TXLNB: variants seen among roughly 807,000 people sequenced by gnomAD.
TXLNB encodes beta-taxilin.
A neutral mutation model predicts 57.4 loss-of-function variants in TXLNB; 37 were observed. The ratio of observed to expected loss-of-function variants is 0.64; its 90% CI spans 0.50 to 0.85. The LOEUF is 0.85. TXLNB is among the 40% of genes least tolerant of loss of function. The probability of loss-of-function intolerance (pLI) is 0.00; values close to 1 mark genes in which losing one functional copy is unlikely to be tolerated. For synonymous variants in TXLNB, 302 were observed against 309.6 expected, an observed-to-expected ratio of 0.98 and a Z score of 0.26; for missense variants, 848 against 825.6, an observed-to-expected ratio of 1.03 and a Z score of -0.33.
Position 139,276,935 on chromosome 6 carries a change from G to A in TXLNB, c.425-14C>T. Reference sequence around the variant, plus strand: ...TGGCTTCTTTGCCTTAAAAAAAAAAGACATGAAAAAAATAAGTGTTGAATT... The same window carrying A: ...TGGCTTCTTTGCCTTAAAAAAAAAAAACATGAAAAAAATAAGTGTTGAATT... On this transcript the variant is annotated splice_polypyrimidine_tract_variant and intron_variant, in intron 2 of 9. Transcript: ENST00000358430. 6.6e-7 allele frequency: 1 copy of A among 1,517,084 alleles called. No individual in the cohort carries two copies. Among genetic ancestry groups the A allele is most frequent in the East Asian group, 2.3e-5 (1 of 43,628 alleles). The allele number at this position is 1,517,084 out of a possible 1,614,324, so 94.0% of individuals were successfully genotyped here. A position where few individuals can be genotyped will look rare whatever the true frequency, so the allele number is the denominator to read the frequency against.
At chr6:139,281,158 T>C (rs1777038700) in intron 2 of TXLNB, among the ~76,000 whole-genome samples, 1 of 152,204 alleles carries the variant, frequency 6.6e-6, no homozygotes, top group South Asian at 2.1e-4. Flanking sequence ...CTAAATGGAT[T>C]CTGAGTTCAA....
chr6:139,310,534 C>G, the TXLNB span, among the ~76,000 whole-genome samples: 1 of 152,208 alleles, frequency 6.6e-6, no homozygotes, highest in Non-Finnish European at 1.5e-5. Context: ...TAAGGATAGC[C>G]ACTCTATCTC....
chr6:139,182,130 T>C, the TXLNB span, among the ~76,000 whole-genome samples: 1 of 152,208 alleles, frequency 6.6e-6, no homozygotes. Flanking sequence ...AATTCAAATA[T>C]CATTCTTGGC....
chr6:139,201,595 G>A, the TXLNB span: 2 of 152,162 alleles, frequency 1.3e-5, no homozygotes, highest in Non-Finnish European at 2.9e-5. Flanking sequence ...TGAATTGCAA[G>A]TAAATGCCAA....
At chr6:139,228,497 G>GCC in the TXLNB span, among the ~76,000 whole-genome samples, 44 of 137,716 alleles carry the variant, frequency 3.2e-4, no homozygotes, top group African/African-American at 1.2e-3. Flanking sequence ...CTGCACCCCA[G>GCC]CCTGGACAAC....
At chr6:139,232,094 A>G in the TXLNB span, among the ~76,000 whole-genome samples, 4 of 152,138 alleles carry the variant, frequency 2.6e-5, no homozygotes, top group Non-Finnish European at 5.9e-5. Context: ...AGACTAGGTA[A>G]TTTATAAAGG....
chr6:139,321,793 G>A, the TXLNB span, among the ~76,000 whole-genome samples: 1 of 151,328 alleles, frequency 6.6e-6, no homozygotes, highest in Non-Finnish European at 1.5e-5. Flanking sequence ...CACCACGCCT[G>A]GCTAATTTTT....
At chr6:139,190,907 T>G in the TXLNB span, among the ~76,000 whole-genome samples, 1 of 152,146 alleles carries the variant, frequency 6.6e-6, no homozygotes, top group Non-Finnish European at 1.5e-5. Flanking sequence ...AGTGCTCCTG[T>G]GTGGGATTAT....
the TXLNB span, among the ~76,000 whole-genome samples, chr6:139,310,908 G>A: frequency 3.9e-5 from 6 of 152,078 alleles, no homozygotes; most frequent in Non-Finnish European, 5.9e-5. Context: ...TTGGCCAGGT[G>A]GATCTCGAAC....
the TXLNB span, chr6:139,199,981 G>GTCTT: frequency 6.6e-6 from 1 of 152,204 alleles, no homozygotes; most frequent in South Asian, 2.1e-4. Flanking sequence ...CCCAGCAACA[G>GTCTT]TGCTCTGAAA....
chr6:139,294,502 T>A (rs965239508), upstream of TXLNB, among the ~76,000 whole-genome samples: 1 of 151,660 alleles, frequency 6.6e-6, no homozygotes, highest in Admixed American at 6.6e-5. Context: ...CTTTGGGAAG[T>A]GATTAGATTA....
chr6:139,282,284 G>A (rs1317839662), intron 2 of TXLNB, among the ~76,000 whole-genome samples: 1 of 147,080 alleles, frequency 6.8e-6, no homozygotes, highest in Non-Finnish European at 1.5e-5. Context: ...ACCGTTCAAA[G>A]GAAGACTAGG....
At chr6:139,174,571 G>A in the TXLNB span, 1 of 1,604,354 alleles carries the variant, frequency 6.2e-7, no homozygotes, top group East Asian at 2.2e-5. Flanking sequence ...GGAGCAGTGG[G>A]TGATATTAGG....
At chr6:139,219,950 G>A in the TXLNB span, among the ~76,000 whole-genome samples, 4 of 152,172 alleles carry the variant, frequency 2.6e-5, no homozygotes, top group Non-Finnish European at 4.4e-5. Context: ...TATGGTCACC[G>A]TAATTACCCT....
At chr6:139,178,519 CTGTG>C in the TXLNB span, 2 of 129,798 alleles carry the variant, frequency 1.5e-5, no homozygotes, top group East Asian at 2.3e-4. Context: ...TTTTTTTTAA[CTGTG>C]TGGTTTTTCT....
At chr6:139,311,777 C>G in the TXLNB span, among the ~76,000 whole-genome samples, 1 of 152,098 alleles carries the variant, frequency 6.6e-6, no homozygotes, top group African/African-American at 2.4e-5. Flanking sequence ...TTAGTCAGTT[C>G]CGGCACAACA....
chr6:139,275,157 A>G (rs1018182134), intron 3 of TXLNB, among the ~76,000 whole-genome samples: 57 of 152,306 alleles, frequency 3.7e-4, no homozygotes, highest in African/African-American at 1.4e-3. Flanking sequence ...TTAAAATCAT[A>G]AAAAAGAAGG....
chr6:139,213,180 T>C, the TXLNB span, among the ~76,000 whole-genome samples: 1 of 152,152 alleles, frequency 6.6e-6, no homozygotes, highest in South Asian at 2.1e-4. Flanking sequence ...ATACATTCTT[T>C]TCAGCACCAC....
chr6:139,307,995 C>T, the TXLNB span, among the ~76,000 whole-genome samples: 4 of 57,742 alleles, frequency 6.9e-5, no homozygotes, highest in Non-Finnish European at 1.2e-4. Context: ...CTTCTGCATG[C>T]GAGATTTCAG....
Sources: gnomAD v4.1 joint callset for allele counts (sites outside exome capture counted in the v4.1 genomes callset) on GRCh38, gnomAD v4.1.1 for gene constraint, MANE v1.5 for transcripts, NCBI Gene and HGNC (gene_info 2026-07-23, HGNC 2026-07-21) for gene names.